Variants in MAPK10 observed in about 807,000 individuals in gnomAD.
MAPK10 encodes JNK3 alpha protein kinase.
MAPK10 carries 25 observed loss-of-function variants against 59.3 expected under a neutral mutation model. The ratio of observed to expected loss-of-function variants is 0.42; its 90% confidence interval spans 0.31 to 0.59. MAPK10 has a LOEUF of 0.59. MAPK10 is among the 20% of genes least tolerant of loss of function. The pLI, the probability that MAPK10 is intolerant of heterozygous loss-of-function variation, is 0.15. For missense variants in MAPK10, 351 were observed against 568.9 expected, an observed-to-expected ratio of 0.62 and a Z score of 3.90; for synonymous variants, 190 against 200.5, an observed-to-expected ratio of 0.95 and a Z score of 0.44.
intron 1 of MAPK10, among the ~76,000 whole-genome samples, chr4:86,462,695 C>A (rs950772530): frequency 1.3e-5 from 2 of 152,112 alleles, no homozygotes; most frequent in African/African-American, 4.8e-5. Context: ...GAATATTCAA[C>A]CAATTATAAC....
chr4:86,212,872 A>G (rs920101987), intron 2 of MAPK10, among the ~76,000 whole-genome samples: 1 of 152,148 alleles, frequency 6.6e-6, no homozygotes, highest in Non-Finnish European at 1.5e-5. Flanking sequence ...GAACAGCACA[A>G]TAAATGAACA....
At position 86,593,691 on chromosome 4, in the gene MAPK10, C is replaced by A. The variant is rs551561372; in HGVS notation, c.-263+219G>T. 8 of 152,298 alleles carry A rather than the reference C, an allele frequency of 5.3e-5. No individual in the cohort carries two copies. The South Asian group carries it at 1.0e-3, about 20-fold the overall frequency. 9.4% of individuals were successfully genotyped at this position (152,298 alleles called of 1,614,324 possible). On this transcript the variant is annotated intron_variant, in intron 1 of 4. Transcript: ENST00000502302. ...TAGGGCATTTGGCGTTGTGCTGTCA[C>A]CACACTTTTGAAGATAGCTTTACAA...
chr4:86,030,200 G>C (rs1578802053), intron 12 of MAPK10, among the ~76,000 whole-genome samples: 1 of 151,824 alleles, frequency 6.6e-6, no homozygotes, highest in African/African-American at 2.4e-5. Flanking sequence ...TCTATATCAA[G>C]CATCTTTTTT....
chr4:86,498,204 T>G (rs1353115432), intron 1 of MAPK10, among the ~76,000 whole-genome samples: 1 of 152,218 alleles, frequency 6.6e-6, no homozygotes, highest in African/African-American at 2.4e-5. Flanking sequence ...CACAACAAAT[T>G]ATGTGTCACT....
Position 86,064,371 on chromosome 4 carries a change from C to T in MAPK10, c.1005G>A (p.Leu335=), listed in dbSNP as rs777561999. The change falls in exon 11 of 14, where the codon TTG becomes TTA. Residue 335 remains leucine, a synonymous_variant. Coordinates refer to ENST00000641462, the MANE Select transcript of MAPK10 (RefSeq NM_138982.4). ...NKLKASQARD[L]LSKMLVIDPA... ...GGTCAATCACTAGCATCTTTGACAA[C>T]AAGTCCCTGGCTTGGCTGGCTGAAA... 2 of 1,614,138 alleles carry T rather than the reference C, an allele frequency of 1.2e-6. No homozygotes were observed. The highest frequency in any genetic ancestry group is 1.7e-6 in the Non-Finnish European group (2 of 1,180,020).
At position 86,011,057 on chromosome 4, in the gene MAPK10, T is replaced by C. The variant is rs943717223; in HGVS notation, c.*6171A>G. ...AATGTCTTTAAAAGTAAGAAATATT[T>C]GACATAAGGTAGAAAATTTCAAAGG... On this transcript the variant is annotated 3_prime_UTR_variant, in exon 14 of 14. Transcript: ENST00000641462. The C allele has an allele frequency of 6.6e-6, 1 of 152,234 alleles. No homozygotes were observed. Among genetic ancestry groups the C allele is most frequent in the Non-Finnish European group, 1.5e-5 (1 of 68,040 alleles). The allele number at this position is 152,234 out of a possible 1,614,324, so 9.4% of individuals were successfully genotyped here.
chr4:86,460,035 T>A (rs1214773256), intron 1 of MAPK10, among the ~76,000 whole-genome samples: 1 of 152,160 alleles, frequency 6.6e-6, no homozygotes, highest in East Asian at 1.9e-4. Flanking sequence ...ATAAAATAAA[T>A]ATTTTTGTCA....
chr4:86,312,601 G>A (rs184443291), intron 2 of MAPK10, among the ~76,000 whole-genome samples: 38 of 152,172 alleles, frequency 2.5e-4, no homozygotes, highest in Middle Eastern at 6.8e-3. Flanking sequence ...TTCTCTCAGA[G>A]TTAATGATTT....
At chr4:86,366,100 C>T (rs779274733) in intron 1 of MAPK10, among the ~76,000 whole-genome samples, 5 of 152,096 alleles carry the variant, frequency 3.3e-5, no homozygotes, top group Admixed American at 1.3e-4. Flanking sequence ...TGCAACAATA[C>T]AGATGAATCT....
rs1417516785 is a variant in MAPK10, at chr4:86,012,323, G to T, written c.*4905C>A. The T allele has an allele frequency of 6.6e-6, 1 of 152,028 alleles. No individual in the cohort carries two copies. Among genetic ancestry groups the T allele is most frequent in the Admixed American group, 6.5e-5 (1 of 15,272 alleles). The allele number at this position is 152,028 out of a possible 1,614,324, so 9.4% of individuals were successfully genotyped here. On this transcript the variant is annotated 3_prime_UTR_variant, in exon 14 of 14. Coordinates refer to ENST00000641462, the MANE Select transcript of MAPK10 (RefSeq NM_138982.4). The stretch of plus-strand genomic sequence containing the variant: ...ATTCCTTATTTCTTATTTATTCCCT[G>T]GCACAATCAGACCACACTACAAGTT...
intron 1 of MAPK10, among the ~76,000 whole-genome samples, chr4:86,505,334 G>C (rs1755659682): frequency 6.6e-6 from 1 of 152,096 alleles, no homozygotes; most frequent in African/African-American, 2.4e-5. Context: ...AAATGGGCCA[G>C]GCAAGGTGGC....
chr4:86,210,104 T>C (rs1159040076), intron 2 of MAPK10, among the ~76,000 whole-genome samples: 1 of 151,960 alleles, frequency 6.6e-6, no homozygotes, highest in East Asian at 1.9e-4. Flanking sequence ...CCCTAATCTC[T>C]CACAATAAAC....
intron 2 of MAPK10, among the ~76,000 whole-genome samples, chr4:86,261,406 C>A (rs1223602447): frequency 6.6e-6 from 1 of 152,150 alleles, no homozygotes; most frequent in Non-Finnish European, 1.5e-5. Context: ...CTGTCACGTG[C>A]CTTTTTAAAC....
Position 86,064,130 on chromosome 4 carries a change from G to A in MAPK10, c.1110+136C>T. On this transcript the variant is annotated intron_variant, in intron 11 of 13. Coordinates refer to ENST00000641462, the MANE Select transcript of MAPK10 (RefSeq NM_138982.4). The stretch of plus-strand genomic sequence containing the variant: ...ATGTTGAAGAAAATAGCTTTTAGAG[G>A]GGCAGATAATAGGCTTTGGACTTAG... The A allele has an allele frequency of 7.1e-6, 7 of 988,926 alleles. No individual in the cohort carries two copies. The South Asian group carries it at 1.2e-4, about 17-fold the overall frequency. The allele number at this position is 988,926 out of a possible 1,614,324, so 61.3% of individuals were successfully genotyped here.
At chr4:86,586,743 G>A (rs1320885507) in intron 1 of MAPK10, among the ~76,000 whole-genome samples, 1 of 152,174 alleles carries the variant, frequency 6.6e-6, no homozygotes, top group Non-Finnish European at 1.5e-5. Flanking sequence ...CTTTTATGGT[G>A]TAGCCAGCTC....
chr4:86,107,773 A>T (rs1157918797), intron 4 of MAPK10: 4 of 400,118 alleles, frequency 1.0e-5, no homozygotes, highest in Non-Finnish European at 1.4e-5. Context: ...TTAATATATG[A>T]TATTTAATTT....
At chr4:86,512,834 G>C (rs1233300146) in intron 1 of MAPK10, among the ~76,000 whole-genome samples, 1 of 152,164 alleles carries the variant, frequency 6.6e-6, no homozygotes, top group East Asian at 1.9e-4. Flanking sequence ...CAAACCACCT[G>C]ATGCCATAGC....
intron 2 of MAPK10, among the ~76,000 whole-genome samples, chr4:86,354,068 G>C (rs1438565433): frequency 3.3e-5 from 5 of 152,074 alleles, no homozygotes; most frequent in African/African-American, 1.2e-4. Context: ...TTATAAAACT[G>C]TGATTTCTCT....
intron 4 of MAPK10, among the ~76,000 whole-genome samples, chr4:86,136,274 G>A (rs1408701116): frequency 6.6e-6 from 1 of 152,066 alleles, no homozygotes; most frequent in Non-Finnish European, 1.5e-5. Flanking sequence ...AATGTTAAGG[G>A]CAGCCAGAGA....
Sources: allele counts gnomAD v4.1 joint callset (sites outside exome capture counted in the v4.1 genomes callset), GRCh38; gene constraint gnomAD v4.1.1; transcripts MANE v1.5; gene names NCBI Gene and HGNC (gene_info 2026-07-23, HGNC 2026-07-21).